ITPR3: variants seen among roughly 807,000 people sequenced by gnomAD.
ITPR3 encodes inositol 1,4,5-trisphosphate-gated calcium channel ITPR3.
In ITPR3, 173 loss-of-function variants were observed where a neutral mutation model predicts 293.2. The ratio of observed to expected loss-of-function variants is 0.59; its 90% CI spans 0.52 to 0.67. The LOEUF (loss-of-function observed/expected upper bound fraction) is 0.67, where lower values mean the gene tolerates loss of function less well. ITPR3 is among the 30% of genes least tolerant of loss of function. ITPR3 has a pLI of 0.00. For missense variants in ITPR3, 2,796 were observed against 3,592.1 expected (o/e 0.78, Z 5.66); for synonymous variants, 1,295 against 1,444.4 (o/e 0.90, Z 2.35).
In ITPR3 at chr6:33,667,933, G is replaced by A. The variant is rs773850087; in HGVS notation, c.1855G>A (p.Val619Ile). Residue 619 changes from valine to isoleucine, a missense_variant, in exon 16 of 58, where the codon GTC becomes ATC. Val to Ile is a conservative substitution (Grantham distance 29). Around this residue, in one of 8 missense-constraint regions of ITPR3, gnomAD observed 955 missense variants for 1,180.8 expected, o/e 0.81. Transcript: ENST00000605930. This position sits in a 1 kb window ranked among gnomAD's most constrained non-coding sequence, Gnocchi z 4.4. ...HITKTEVETF[V>I]SLVRKNREPR... Reference sequence around the variant, plus strand: ...CACCAAGACCGAGGTGGAGACCTTCGTCAGCCTTGTGCGCAAGAACCGGGA... The same window carrying A: ...CACCAAGACCGAGGTGGAGACCTTCATCAGCCTTGTGCGCAAGAACCGGGA... 14 of 1,614,062 alleles carry A rather than the reference G, an allele frequency of 8.7e-6. No individual in the cohort carries two copies. The highest frequency in any genetic ancestry group is 1.7e-5 in the Admixed American group (1 of 60,008).
At position 33,688,683 on chromosome 6, in the gene ITPR3, G is replaced by A. The variant is rs967327119; in HGVS notation, c.6596G>A (p.Arg2199His). ...ATGCCGCTGATCTACTGGTTCTCCC[G>A]CCGCATGACCCTGTGGGGCAGCATC... ...RSMPLIYWFS[R>H]RMTLWGSISF... The change falls in exon 49 of 58, where the codon CGC becomes CAC. Residue 2199 changes from arginine to histidine, a missense_variant. Coordinates refer to ENST00000605930, the MANE Select transcript of ITPR3 (RefSeq NM_002224.4). The A allele has an allele frequency of 5.6e-6, 9 of 1,614,032 alleles. No homozygotes were observed. Among genetic ancestry groups the A allele is most frequent in the African/African-American group, 1.3e-5 (1 of 74,934 alleles).
Position 33,655,359 on chromosome 6 carries a change from G to A in ITPR3, c.161-407G>A, listed in dbSNP as rs1374180201. Among the ~76,000 whole-genome samples the A allele has an allele frequency of 6.6e-6, 1 of 152,178 alleles. No individual in the cohort carries two copies. Among genetic ancestry groups the A allele is most frequent in the African/African-American group, 2.4e-5 (1 of 41,440 alleles). Reference sequence around the variant, plus strand: ...GGGAAGAGGGGTATGTCATTTCCCAGGCATCTGTGTGCAAGATGGTTTCCA... The same window carrying A: ...GGGAAGAGGGGTATGTCATTTCCCAAGCATCTGTGTGCAAGATGGTTTCCA... On this transcript the variant is annotated intron_variant, in intron 2 of 57. Coordinates refer to ENST00000605930, the MANE Select transcript of ITPR3 (RefSeq NM_002224.4). This position sits in a 1 kb window ranked among gnomAD's most constrained non-coding sequence, Gnocchi z 4.9.
Position 33,682,429 on chromosome 6 carries a change from C to T in ITPR3, c.4477-95C>T, listed in dbSNP as rs9461897. ...GGCTAGTGAAGGCTCCGTCTCTCCA[C>T]CCATGCCCATTCTGATTGGGCCCTG... On this transcript the variant is annotated intron_variant, in intron 33 of 57. Transcript: ENST00000605930. The surrounding 1 kb of genome is among the most constrained non-coding windows in gnomAD (Gnocchi z 5.4). The T allele has an allele frequency of 9.3e-3, 12,981 of 1,393,772 alleles. 608 individuals are homozygous for T. In the African/African-American group the frequency reaches 0.13, roughly 14 times the overall value. 86.3% of individuals were successfully genotyped at this position (1,393,772 alleles called of 1,614,324 possible).
In ITPR3 at chr6:33,682,548, C is replaced by T. The variant is rs549727335; in HGVS notation, c.4501C>T (p.Leu1501=). 7.7e-6 allele frequency: 12 copies of T among 1,555,080 alleles called. No individual in the cohort carries two copies. In the Admixed American group the frequency reaches 9.6e-5, roughly 12 times the overall value. ...GACACACCAGACGATTGTGGTGCAG[C>T]TGCTGCAGTCTACCACACGCCTCCT... ...LQTHQTIVVQ[L]LQSTTRLLEC... Residue 1501 remains leucine, a synonymous_variant, in exon 34 of 58, where the codon CTG becomes TTG. Transcript: ENST00000605930. The surrounding 1 kb of genome is among the most constrained non-coding windows in gnomAD (Gnocchi z 5.4).
intron 1 of ITPR3, among the ~76,000 whole-genome samples, chr6:33,630,678 A>T (rs1286037958): frequency 6.6e-6 from 1 of 152,204 alleles, no homozygotes; most frequent in Non-Finnish European, 1.5e-5. Context: ...AGGGTGGCAC[A>T]CTGGCCCCGA....
In ITPR3 at chr6:33,622,578, G is replaced by A. The variant is rs561996853; in HGVS notation, c.89+887G>A. ...GCTATCTTTGTCCCGTTTACAGTCT[G>A]GGGGCCTGGGTTAAATTGTCTCATC... On this transcript the variant is annotated intron_variant, in intron 1 of 57. Coordinates refer to ENST00000605930, the MANE Select transcript of ITPR3 (RefSeq NM_002224.4). Among the ~76,000 whole-genome samples, 11 of 152,290 alleles carry A rather than the reference G, an allele frequency of 7.2e-5. No homozygotes were observed. In the South Asian group the frequency reaches 1.9e-3, roughly 26 times the overall value.
At chr6:33,671,587 G>A (rs1764766861) in intron 21 of ITPR3, among the ~76,000 whole-genome samples, 1 of 152,184 alleles carries the variant, frequency 6.6e-6, no homozygotes, top group African/African-American at 2.4e-5. Flanking sequence ...CTCTGTCATC[G>A]TGTGTGTGAG....
At chr6:33,625,380 C>G (rs1763527370) in intron 1 of ITPR3, among the ~76,000 whole-genome samples, 1 of 152,178 alleles carries the variant, frequency 6.6e-6, no homozygotes, top group African/African-American at 2.4e-5. Context: ...CAGGCATGTG[C>G]CTCCACACCC....
chr6:33,693,774 G>C (rs983724298), intron 56 of ITPR3, 69 bp downstream of exon 56: 10 of 1,554,502 alleles, frequency 6.4e-6, no homozygotes, highest in Middle Eastern at 2.1e-4. Flanking sequence ...CTGTGCACCA[G>C]AGGCCTCATG....
chr6:33,671,040 C>G, intron 20 of ITPR3, 125 bp from the exon 21 acceptor site: 1 of 1,489,354 alleles, frequency 6.7e-7, no homozygotes, highest in South Asian at 1.3e-5. Flanking sequence ...GCTCTCCCTC[C>G]TGGGAACCCC....
intron 33 of ITPR3, among the ~76,000 whole-genome samples, chr6:33,681,259 G>C (rs760163405): frequency 6.6e-6 from 1 of 152,260 alleles, no homozygotes; most frequent in Non-Finnish European, 1.5e-5. Flanking sequence ...CCTAACTCCA[G>C]TGGGTGGGCG....
In ITPR3 at chr6:33,688,162, A is replaced by G. The variant is rs1394784104; in HGVS notation, c.6370A>G (p.Ile2124Val). 1 of 1,614,066 alleles carries G rather than the reference A, an allele frequency of 6.2e-7. No homozygotes were observed. Among genetic ancestry groups the G allele is most frequent in the Non-Finnish European group, 8.5e-7 (1 of 1,179,976 alleles). The change falls in exon 47 of 58, where the codon ATC (isoleucine) becomes GTC (valine). Residue 2124 changes from isoleucine to valine, a missense_variant. By Grantham distance (29) the Ile-to-Val change is conservative. Transcript: ENST00000605930. ...LAYYENHTSQ[I>V]EIVRQDRSME... ...CTACTATGAGAACCACACGTCCCAGATCGAGGTGGGCCTGTGGGCAGCAGG... is the reference window on the plus strand; with the variant it reads ...CTACTATGAGAACCACACGTCCCAGGTCGAGGTGGGCCTGTGGGCAGCAGG...
At chr6:33,689,667 C>T (rs559185727) in intron 50 of ITPR3, among the ~76,000 whole-genome samples, 1 of 152,364 alleles carries the variant, frequency 6.6e-6, no homozygotes, top group Non-Finnish European at 1.5e-5. Flanking sequence ...GGTGGCTGTG[C>T]ACACTGTGCG....
chr6:33,682,577 G>T lies in ITPR3; in HGVS notation c.4530G>T (p.Glu1510Asp). 6.3e-7 allele frequency: 1 copy of T among 1,592,242 alleles called. No individual in the cohort carries two copies. The highest frequency in any genetic ancestry group is 1.1e-5 in the South Asian group (1 of 88,598). Reference protein sequence around the residue: ...QLLQSTTRLLECPWLQQQHKG... With the variant: ...QLLQSTTRLLDCPWLQQQHKG... The stretch of plus-strand genomic sequence containing the variant: ...TGCAGTCTACCACACGCCTCCTCGA[G>T]TGTCCGTGGCTACAGCAGCAGCACA... Residue 1510 changes from glutamate (E) to aspartate (D), a missense_variant, in exon 34 of 58, where the codon GAG (glutamate) becomes GAT (aspartate). Around this residue, in one of 8 missense-constraint regions of ITPR3, gnomAD observed 704 missense variants for 797.5 expected, o/e 0.88. Coordinates refer to ENST00000605930, the MANE Select transcript of ITPR3 (RefSeq NM_002224.4). The surrounding 1 kb of genome is among the most constrained non-coding windows in gnomAD (Gnocchi z 5.4).
At position 33,690,965 on chromosome 6, in the gene ITPR3, AGT is replaced by A; in HGVS notation, c.7085_7086del (p.Val2362AspfsTer32). The A allele has an allele frequency of 2.5e-6, 4 of 1,614,134 alleles. No homozygotes were observed. The highest frequency in any genetic ancestry group is 3.4e-6 in the Non-Finnish European group (4 of 1,180,010). On this transcript the variant is annotated frameshift_variant, in exon 52 of 58. Transcript: ENST00000605930. LOFTEE classifies it high-confidence loss of function. ...GGAGACGCTGTTCAACGTCATCAAG[AGT>A]GTGACCCGCAATGGCCGCTCCATCC... ...REETLFNVIK[S>X]VTRNGRSILL...
intron 23 of ITPR3, 69 bp downstream of exon 23, chr6:33,673,789 A>T: frequency 6.4e-7 from 1 of 1,566,354 alleles, no homozygotes; most frequent in Non-Finnish European, 8.7e-7. Flanking sequence ...AGTGGGGTGG[A>T]GCCAGCTCCT....
chr6:33,670,483 A>G lies in ITPR3; in HGVS notation c.2348A>G (p.His783Arg). 4.3e-6 allele frequency: 7 copies of G among 1,613,826 alleles called. No homozygotes were observed. Among genetic ancestry groups the G allele is most frequent in the Non-Finnish European group, 5.9e-6 (7 of 1,180,014 alleles). The change falls in exon 19 of 58, where the codon CAC becomes CGC. Residue 783 changes from histidine (H) to arginine (R), a missense_variant. By Grantham distance (29) the His-to-Arg change is conservative. Transcript: ENST00000605930. This position sits in a 1 kb window ranked among gnomAD's most constrained non-coding sequence, Gnocchi z 6.7. ...LRASFCHLML[H>R]VHVDRDPQEL... ...GCCTCCTTCTGCCACCTGATGCTGC[A>G]CGTGCACGTGGACCGTGACCCCCAG...
Position 33,686,240 on chromosome 6 carries a change from G to A in ITPR3, c.5855G>A (p.Cys1952Tyr), listed in dbSNP as rs1765226047. 6.2e-7 allele frequency: 1 copy of A among 1,613,660 alleles called. No homozygotes were observed. Residue 1952 changes from cysteine (C) to tyrosine (Y), a missense_variant, in exon 42 of 58, where the codon TGC (cysteine) becomes TAC (tyrosine). Physicochemically the swap from Cys to Tyr is radical, Grantham distance 194. Around this residue, in one of 8 missense-constraint regions of ITPR3, gnomAD observed 704 missense variants for 797.5 expected, o/e 0.88. Transcript: ENST00000605930. Reference sequence around the variant, plus strand: ...CTCACTGAGTACTGCCAGGGCCCCTGCCATGAGAACCAGGTGAGCTGTCCT... The same window carrying A: ...CTCACTGAGTACTGCCAGGGCCCCTACCATGAGAACCAGGTGAGCTGTCCT... ...ETLTEYCQGP[C>Y]HENQTCIVTH...
Position 33,691,591 on chromosome 6 carries a change from T to G in ITPR3, c.7226-24T>G. The G allele has an allele frequency of 1.2e-6, 2 of 1,600,056 alleles. No homozygotes were observed. Among genetic ancestry groups the G allele is most frequent in the Non-Finnish European group, 1.7e-6 (2 of 1,167,618 alleles). On this transcript the variant is annotated intron_variant, in intron 52 of 57. Coordinates refer to ENST00000605930, the MANE Select transcript of ITPR3 (RefSeq NM_002224.4). The surrounding 1 kb of genome is among the most constrained non-coding windows in gnomAD (Gnocchi z 4.9). ...TAAGGCCAGGCACTGGACCTCCTGA[T>G]GATCTCATCCATATCCCCTCCAGCC...
Sources: allele counts gnomAD v4.1 joint callset (sites outside exome capture counted in the v4.1 genomes callset), GRCh38; gene constraint gnomAD v4.1.1; regional missense constraint gnomAD v4.1.1; non-coding constraint Gnocchi (gnomAD v3.1); transcripts MANE v1.5; gene names NCBI Gene and HGNC (gene_info 2026-07-23, HGNC 2026-07-21).